Variants in ZNF98 observed in about 807,000 individuals in gnomAD.
The protein encoded by ZNF98 is zinc finger protein 739.
In ZNF98, 8 loss-of-function variants were observed where a neutral mutation model predicts 12.8. That is an observed-to-expected ratio of 0.63 (90% CI 0.37 to 1.13). The LOEUF is 1.13. ZNF98 is among the 50% of genes most tolerant of loss of function. The pLI, the probability that ZNF98 is intolerant of heterozygous loss-of-function variation, is 0.01. For synonymous variants in ZNF98, 112 were observed against 223.5 expected, an observed-to-expected ratio of 0.50 and a Z score of 4.45; for missense variants, 379 against 666.1, an observed-to-expected ratio of 0.57 and a Z score of 4.74.
chr19:22,401,615 C>T (rs943049471), intron 3 of ZNF98, among the ~76,000 whole-genome samples: 12 of 151,520 alleles, frequency 7.9e-5, no homozygotes, highest in African/African-American at 2.9e-4. Context: ...TCCCAAGTAG[C>T]TGGAATTACA....
intron 1 of ZNF98, among the ~76,000 whole-genome samples, chr19:22,410,878 G>A (rs543510196): frequency 6.6e-6 from 1 of 152,072 alleles, no homozygotes; most frequent in Non-Finnish European, 1.5e-5. Flanking sequence ...AGCAGGCACA[G>A]CACAGAGTCT....
intron 1 of ZNF98, among the ~76,000 whole-genome samples, chr19:22,406,099 T>C (rs1349090801): frequency 1.3e-5 from 2 of 152,074 alleles, no homozygotes; most frequent in Non-Finnish European, 2.9e-5. Context: ...CAGTGAAGCA[T>C]ACCCCCTCCA....
intron 3 of ZNF98, 84 bp from the exon 4 acceptor site, chr19:22,393,065 A>C: frequency 7.5e-7 from 1 of 1,325,330 alleles, no homozygotes; most frequent in Non-Finnish European, 9.9e-7. Flanking sequence ...AAAATTATAC[A>C]AACTACATCA....
In ZNF98 at chr19:22,401,036, C is replaced by T. The variant is rs546529806; in HGVS notation, c.253+1753G>A. ...TCCTTCAAACTCACAGACACCAATGCAAAAGTTTATTATGCCCATTCTCAA... is the reference window on the plus strand; with the variant it reads ...TCCTTCAAACTCACAGACACCAATGTAAAAGTTTATTATGCCCATTCTCAA... On this transcript the variant is annotated intron_variant, in intron 3 of 3. Transcript: ENST00000357774. Among the ~76,000 whole-genome samples the T allele has an allele frequency of 3.4e-5, 5 of 146,486 alleles. No individual in the cohort carries two copies. The South Asian group carries it at 1.1e-3, about 31-fold the overall frequency.
chr19:22,404,152 G>A (rs1284489509), intron 1 of ZNF98, among the ~76,000 whole-genome samples: 25 of 152,204 alleles, frequency 1.6e-4, no homozygotes, highest in African/African-American at 4.6e-4. Flanking sequence ...CCCCAGAGGC[G>A]GAGCTTGCAG....
rs1969593188 is a variant in ZNF98, at chr19:22,412,744, G to GAT, written c.31-9234_31-9233dup. On this transcript the variant is annotated intron_variant, in intron 1 of 3. Coordinates refer to ENST00000357774, the MANE Select transcript of ZNF98 (RefSeq NM_001098626.2). ...ATGATCGAGTAGGGTTTATTTTTGGGATGCAAGGTTAATTCAACATACACG... is the reference window on the plus strand; with the variant it reads ...ATGATCGAGTAGGGTTTATTTTTGGGATATGCAAGGTTAATTCAACATACACG... 5.9e-5 allele frequency among the ~76,000 whole-genome samples: 9 copies of GAT among 152,120 alleles called. No individual in the cohort carries two copies. In the South Asian group the frequency reaches 1.9e-3, roughly 32 times the overall value.
chr19:22,422,087 G>A (rs1051224130), intron 1 of ZNF98, 108 bp downstream of exon 1: 2 of 1,394,428 alleles, frequency 1.4e-6, no homozygotes, highest in East Asian at 2.3e-5. Flanking sequence ...CTAGGGGCAC[G>A]GATTGTGGAG....
intron 1 of ZNF98, among the ~76,000 whole-genome samples, chr19:22,404,081 G>A (rs56003951): frequency 1.0e-3 from 142 of 139,682 alleles, no homozygotes; most frequent in Middle Eastern, 4.0e-3. Context: ...TTAGCCAGGC[G>A]TGGAGGCGAG....
chr19:22,398,833 A>T (rs1969426622), intron 3 of ZNF98, among the ~76,000 whole-genome samples: 1 of 152,200 alleles, frequency 6.6e-6, no homozygotes, highest in Non-Finnish European at 1.5e-5. Flanking sequence ...ACACAAGGTG[A>T]AAATAAGACT....
chr19:22,410,454 C>A (rs1481272204), intron 1 of ZNF98, among the ~76,000 whole-genome samples: 1 of 152,144 alleles, frequency 6.6e-6, no homozygotes, highest in Non-Finnish European at 1.5e-5. Context: ...TTTGCAGGAA[C>A]ATGGATTAAG....
At chr19:22,397,119 AAAAAAAAACAAC>A (rs1307957588) in intron 3 of ZNF98, among the ~76,000 whole-genome samples, 1 of 31,104 alleles carries the variant, frequency 3.2e-5, no homozygotes, top group Non-Finnish European at 1.1e-4. Context: ...ACTCTGTCTC[AAAAAAAAACAAC>A]AAAAAAAAAC....
chr19:22,415,931 TAAAAAA>T (rs35543907), intron 1 of ZNF98, among the ~76,000 whole-genome samples: 1 of 96,784 alleles, frequency 1.0e-5, no homozygotes, highest in Non-Finnish European at 2.0e-5. Context: ...CGTTCCTACT[TAAAAAA>T]AAAAAAAAAA....
chr19:22,416,853 T>C (rs1969649794), intron 1 of ZNF98, among the ~76,000 whole-genome samples: 4 of 152,104 alleles, frequency 2.6e-5, no homozygotes, highest in Admixed American at 2.6e-4. Context: ...ATCATGTCCT[T>C]TGAAGCAACG....
At chr19:22,403,290 T>C (rs936190477) in intron 2 of ZNF98, 96 bp downstream of exon 2, 25 of 1,323,198 alleles carry the variant, frequency 1.9e-5, no homozygotes, top group Non-Finnish European at 2.6e-5. Flanking sequence ...AAAACAGAGA[T>C]CTGAAAGCAT....
At chr19:22,411,448 A>G (rs1745160319) in intron 1 of ZNF98, among the ~76,000 whole-genome samples, 1 of 152,224 alleles carries the variant, frequency 6.6e-6, no homozygotes, top group Non-Finnish European at 1.5e-5. Flanking sequence ...CTGTATTGTT[A>G]AATTTAATTC....
chr19:22,397,199 T>C (rs993587656), intron 3 of ZNF98, among the ~76,000 whole-genome samples: 2 of 84,788 alleles, frequency 2.4e-5, no homozygotes, highest in African/African-American at 3.5e-5. Context: ...TCTGTGTGTG[T>C]GTGTGTGTGT....
At position 22,392,955 on chromosome 19, in the gene ZNF98, G is replaced by C. The variant is rs773148776; in HGVS notation, c.280C>G (p.Leu94Val). ...TTTTTTTTGCCCTGCTTTGGCCAAA[G>C]GTCTTGGGCAAAATAAGAATATACA... is the stretch of plus-strand genomic sequence containing the variant. Reference protein sequence around the residue: ...PVVYSYFAQDLWPKQGKKNYF... With the variant: ...PVVYSYFAQDVWPKQGKKNYF... Residue 94 changes from leucine (L) to valine (V), a missense_variant, in exon 4 of 4, where the codon CTT becomes GTT. Physicochemically the swap from Leu to Val is conservative, Grantham distance 32. Around this residue, in one of 8 missense-constraint regions of ZNF98, gnomAD observed 223 missense variants for 261.6 expected, o/e 0.85. Coordinates refer to ENST00000357774, the MANE Select transcript of ZNF98 (RefSeq NM_001098626.2). 1 of 1,541,366 alleles carries C rather than the reference G, an allele frequency of 6.5e-7. No homozygotes were observed. The highest frequency in any genetic ancestry group is 8.7e-7 in the Non-Finnish European group (1 of 1,150,076).
chr19:22,419,942 G>A (rs993621330), intron 1 of ZNF98, among the ~76,000 whole-genome samples: 1 of 152,082 alleles, frequency 6.6e-6, no homozygotes, highest in Non-Finnish European at 1.5e-5. Context: ...CAGATCACCA[G>A]GTCAGGAGTT....
intron 3 of ZNF98, among the ~76,000 whole-genome samples, chr19:22,402,112 A>G (rs10407050): frequency 0.43 from 61,657 of 142,568 alleles, 13,439 homozygotes; most frequent in Non-Finnish European, 0.46. Flanking sequence ...GGAGGCAGAG[A>G]TTGCAGTTAG....
Sources: gnomAD v4.1 joint callset for allele counts (sites outside exome capture counted in the v4.1 genomes callset) on GRCh38, gnomAD v4.1.1 for gene constraint, gnomAD v4.1.1 regional missense constraint, MANE v1.5 for transcripts, NCBI Gene and HGNC (gene_info 2026-07-23, HGNC 2026-07-21) for gene names.